DPYD: variants seen among roughly 807,000 people sequenced by gnomAD.
The protein encoded by DPYD is dihydropyrimidine dehydrogenase [NADP(+)].
A neutral mutation model predicts 116.2 loss-of-function variants in DPYD; 109 were observed. The ratio of observed to expected loss-of-function variants is 0.94; its 90% CI spans 0.80 to 1.10. The LOEUF is 1.10. Ranked by LOEUF, DPYD falls within the 50% of genes least tolerant of loss-of-function variation. The probability of loss-of-function intolerance (pLI) is 0.00; values close to 1 mark genes in which losing one functional copy is unlikely to be tolerated. For missense variants in DPYD, 1,302 were observed against 1,254.5 expected (o/e 1.04, Z -0.57); for synonymous variants, 440 against 432.0 (o/e 1.02, Z -0.23).
chr1:97,533,864 T>C (rs1053418355), intron 12 of DPYD, among the ~76,000 whole-genome samples: 1 of 152,094 alleles, frequency 6.6e-6, no homozygotes, highest in Non-Finnish European at 1.5e-5. Context: ...ACAATATCTA[T>C]AGGGAAGGAT....
chr1:97,456,451 T>C (rs928247029), intron 13 of DPYD, among the ~76,000 whole-genome samples: 5 of 152,038 alleles, frequency 3.3e-5, no homozygotes, highest in Non-Finnish European at 7.4e-5. Flanking sequence ...GCTTTCTCTG[T>C]CTCAGTTCAT....
intron 8 of DPYD, among the ~76,000 whole-genome samples, chr1:97,603,561 A>G (rs1037756403): frequency 3.9e-5 from 6 of 152,134 alleles, no homozygotes; most frequent in Non-Finnish European, 7.4e-5. Context: ...ATAAACACAC[A>G]TTCCGTAGAA....
At chr1:97,116,318 T>A (rs2101634025) in intron 20 of DPYD, among the ~76,000 whole-genome samples, 1 of 152,202 alleles carries the variant, frequency 6.6e-6, no homozygotes, top group East Asian at 1.9e-4. Flanking sequence ...ACGGGGGGGC[T>A]ATAGTGCATC....
intron 20 of DPYD, among the ~76,000 whole-genome samples, chr1:97,148,778 G>A (rs1020926312): frequency 1.3e-5 from 2 of 152,146 alleles, no homozygotes; most frequent in Non-Finnish European, 2.9e-5. Flanking sequence ...AGAAACACTT[G>A]ATAAAACTTC....
chr1:97,433,512 T>C (rs903146932), intron 14 of DPYD, among the ~76,000 whole-genome samples: 2 of 152,224 alleles, frequency 1.3e-5, no homozygotes, highest in African/African-American at 4.8e-5. Flanking sequence ...TTTATTTGCA[T>C]TTTCAGATTT....
chr1:97,531,244 T>C (rs1649605938), intron 12 of DPYD, among the ~76,000 whole-genome samples: 1 of 152,204 alleles, frequency 6.6e-6, no homozygotes, highest in South Asian at 2.1e-4. Context: ...AGTTTTAGAG[T>C]TGCAGGTCTT....
At chr1:97,555,733 T>C (rs1651653680) in intron 11 of DPYD, among the ~76,000 whole-genome samples, 1 of 152,088 alleles carries the variant, frequency 6.6e-6, no homozygotes, top group African/African-American at 2.4e-5. Flanking sequence ...TCTCTCTCTC[T>C]TCCTTTTTAA....
chr1:97,088,876 A>T (rs948295153), intron 21 of DPYD, among the ~76,000 whole-genome samples: 10 of 152,196 alleles, frequency 6.6e-5, no homozygotes, highest in Non-Finnish European at 1.0e-4. Context: ...TACAGGGACA[A>T]GTGAGAATAT....
intron 2 of DPYD, among the ~76,000 whole-genome samples, chr1:97,853,476 A>G (rs1670666830): frequency 6.6e-6 from 1 of 152,198 alleles, no homozygotes; most frequent in Non-Finnish European, 1.5e-5. Flanking sequence ...GATATTGCTG[A>G]GCACAACCTT....
intron 21 of DPYD, among the ~76,000 whole-genome samples, chr1:97,091,625 A>AAT (rs1451189293): frequency 2.6e-5 from 4 of 152,178 alleles, no homozygotes; most frequent in African/African-American, 9.7e-5. Context: ...ATAATGGGCA[A>AAT]AATGGCAGGG....
intron 16 of DPYD, among the ~76,000 whole-genome samples, chr1:97,318,820 C>T (rs2101091184): frequency 6.7e-6 from 1 of 150,272 alleles, no homozygotes; most frequent in Non-Finnish European, 1.5e-5. Context: ...AAATTGACCA[C>T]ATAGTTGGAA....
intron 18 of DPYD, among the ~76,000 whole-genome samples, chr1:97,277,132 C>T (rs537542761): frequency 3.9e-5 from 6 of 152,148 alleles, no homozygotes; most frequent in Non-Finnish European, 7.4e-5. Flanking sequence ...TGTATATTCT[C>T]GTTTATAAGT....
intron 12 of DPYD, 124 bp from the exon 13 acceptor site, chr1:97,516,065 T>C (rs1377000513): frequency 4.9e-6 from 5 of 1,012,542 alleles, no homozygotes; most frequent in African/African-American, 1.7e-5. Flanking sequence ...CTGTTTACAA[T>C]GAAAAAAACT....
chr1:97,579,943 T>G (rs185087709), intron 10 of DPYD, among the ~76,000 whole-genome samples: 2 of 152,268 alleles, frequency 1.3e-5, no homozygotes, highest in East Asian at 3.9e-4. Flanking sequence ...TGATGCTGAG[T>G]GAAATAAAAA....
At chr1:97,363,440 T>C (rs1466323325) in intron 16 of DPYD, among the ~76,000 whole-genome samples, 1 of 152,180 alleles carries the variant, frequency 6.6e-6, no homozygotes, top group Non-Finnish European at 1.5e-5. Context: ...GACCCAGTGA[T>C]CCCATTACTG....
At chr1:97,139,991 AGT>A in intron 20 of DPYD, among the ~76,000 whole-genome samples, 1 of 151,830 alleles carries the variant, frequency 6.6e-6, no homozygotes, top group East Asian at 1.9e-4. Flanking sequence ...TACAATCAAG[AGT>A]GGGGTACTTG....
chr1:97,416,227 T>C (rs1674281252), intron 14 of DPYD, among the ~76,000 whole-genome samples: 1 of 152,232 alleles, frequency 6.6e-6, no homozygotes, highest in South Asian at 2.1e-4. Context: ...CGGAAAGGAC[T>C]TCAAACTGTG....
intron 2 of DPYD, among the ~76,000 whole-genome samples, chr1:97,829,504 C>T (rs1669418958): frequency 6.6e-6 from 1 of 151,906 alleles, no homozygotes; most frequent in Admixed American, 6.6e-5. Context: ...CTTATCTTCC[C>T]ACATTTTTAG....
intron 20 of DPYD, among the ~76,000 whole-genome samples, chr1:97,121,020 A>T (rs975165093): frequency 8.5e-5 from 13 of 152,160 alleles, no homozygotes; most frequent in Non-Finnish European, 1.6e-4. Context: ...GGGATCATAA[A>T]ATAACTCTGG....
Sources: gnomAD v4.1 joint callset for allele counts (sites outside exome capture counted in the v4.1 genomes callset) on GRCh38, gnomAD v4.1.1 for gene constraint, MANE v1.5 for transcripts, NCBI Gene and HGNC (gene_info 2026-07-23, HGNC 2026-07-21) for gene names.